PHACTR1: variants seen among roughly 807,000 people sequenced by gnomAD.
PHACTR1 encodes phosphatase and actin regulator 1, also known as RPEL repeat containing 1.
PHACTR1 carries 16 observed loss-of-function variants against 69.2 expected under a neutral mutation model. That is an observed-to-expected ratio of 0.23 (90% CI 0.16 to 0.35). The LOEUF is 0.35. Among genes scored for constraint, PHACTR1 ranks in the 10% least tolerant of loss-of-function variants. PHACTR1 has a pLI of 1.00. For missense variants in PHACTR1, 510 were observed against 734.7 expected, an observed-to-expected ratio of 0.69 and a Z score of 3.54; for synonymous variants, 312 against 284.5, an observed-to-expected ratio of 1.10 and a Z score of -0.97.
chr6:12,830,653 G>A (rs113918081), intron 4 of PHACTR1, among the ~76,000 whole-genome samples: 6,381 of 151,866 alleles, frequency 0.042, 430 homozygotes, highest in African/African-American at 0.14. Context: ...GCAGTGGCGC[G>A]ATCTCGGCTC....
intron 6 of PHACTR1, among the ~76,000 whole-genome samples, chr6:13,171,560 C>A (rs559717419): frequency 3.5e-4 from 54 of 152,342 alleles, no homozygotes; most frequent in African/African-American, 1.2e-3. Flanking sequence ...TCGGCCAATG[C>A]AGTATCCTCT....
At chr6:13,018,918 G>A (rs183254630) in intron 4 of PHACTR1, among the ~76,000 whole-genome samples, 39 of 152,096 alleles carry the variant, frequency 2.6e-4, no homozygotes, top group African/African-American at 9.2e-4. Flanking sequence ...TCACTCTGTT[G>A]CCCAGGCTGG....
At chr6:13,046,740 G>A (rs1394149222) in intron 4 of PHACTR1, among the ~76,000 whole-genome samples, 6 of 150,322 alleles carry the variant, frequency 4.0e-5, no homozygotes, top group Admixed American at 1.3e-4. Context: ...CCCACTTTAC[G>A]TCCCCATCCC....
At position 13,205,322 on chromosome 6, in the gene PHACTR1, G is replaced by A. The variant is rs1055819730; in HGVS notation, c.665-493G>A. Among the ~76,000 whole-genome samples, 6 of 152,172 alleles carry A rather than the reference G, an allele frequency of 3.9e-5. No individual in the cohort carries two copies. In the East Asian group the frequency reaches 5.8e-4, roughly 15 times the overall value. On this transcript the variant is annotated intron_variant, in intron 7 of 14. Transcript: ENST00000332995. ...ATCTATTCATGAGGGATCCACACCC[G>A]TGACCCAAATGCCTCCCACTAGGCC...
At chr6:13,188,629 G>A (rs530890553) in intron 7 of PHACTR1, among the ~76,000 whole-genome samples, 7 of 152,314 alleles carry the variant, frequency 4.6e-5, no homozygotes, top group African/African-American at 1.2e-4. Flanking sequence ...TACCTCTACC[G>A]TGGCGTTTGC....
At chr6:13,261,494 G>A (rs918172524) in intron 10 of PHACTR1, among the ~76,000 whole-genome samples, 1 of 152,158 alleles carries the variant, frequency 6.6e-6, no homozygotes. Context: ...AAAAAATATT[G>A]AAAAGTTTGA....
At chr6:12,829,374 A>G (rs1392480271) in intron 4 of PHACTR1, among the ~76,000 whole-genome samples, 3 of 152,228 alleles carry the variant, frequency 2.0e-5, no homozygotes, top group Non-Finnish European at 4.4e-5. Context: ...CTTAGGTTTC[A>G]TAGAGGAGAA....
At chr6:13,242,133 C>G (rs1772947701) in intron 10 of PHACTR1, among the ~76,000 whole-genome samples, 1 of 151,724 alleles carries the variant, frequency 6.6e-6, no homozygotes, top group South Asian at 2.1e-4. Flanking sequence ...TTATTTCTCA[C>G]TGGAGTTAAG....
At chr6:12,831,494 C>A (rs1777576830) in intron 4 of PHACTR1, among the ~76,000 whole-genome samples, 1 of 151,498 alleles carries the variant, frequency 6.6e-6, no homozygotes, top group African/African-American at 2.4e-5. Flanking sequence ...AAATGCAGGC[C>A]CTACTTGGAT....
chr6:12,799,477 G>GA (rs910142106), intron 4 of PHACTR1, among the ~76,000 whole-genome samples: 10 of 151,630 alleles, frequency 6.6e-5, no homozygotes, highest in East Asian at 5.8e-4. Flanking sequence ...CTGCTATAAT[G>GA]AAAAAAAAGG....
intron 4 of PHACTR1, among the ~76,000 whole-genome samples, chr6:12,962,877 G>A (rs749754089): frequency 7.9e-5 from 12 of 152,058 alleles, no homozygotes; most frequent in Admixed American, 3.3e-4. Context: ...AATCAAGCAT[G>A]GCCTTCTCCA....
At chr6:12,956,232 G>C (rs753294499) in intron 4 of PHACTR1, among the ~76,000 whole-genome samples, 4 of 152,194 alleles carry the variant, frequency 2.6e-5, no homozygotes, top group African/African-American at 7.2e-5. Context: ...ATTGGGAGCC[G>C]AGAGCTATGC....
chr6:13,070,736 G>C (rs926040585), intron 5 of PHACTR1, among the ~76,000 whole-genome samples: 10 of 151,998 alleles, frequency 6.6e-5, no homozygotes, highest in African/African-American at 2.4e-4. Flanking sequence ...ATAGGACTTG[G>C]TGATTTTGGT....
At chr6:13,139,950 A>T (rs1249437275) in intron 5 of PHACTR1, among the ~76,000 whole-genome samples, 1 of 152,138 alleles carries the variant, frequency 6.6e-6, no homozygotes, top group South Asian at 2.1e-4. Context: ...TCAAAGGAGG[A>T]CTTTAGTTTG....
chr6:13,053,753 G>A (rs1806348667), intron 5 of PHACTR1, among the ~76,000 whole-genome samples: 1 of 152,086 alleles, frequency 6.6e-6, no homozygotes, highest in Non-Finnish European at 1.5e-5. Context: ...TTAAACTAAA[G>A]AACCACCCTT....
At chr6:13,140,439 G>A (rs1822265962) in intron 5 of PHACTR1, among the ~76,000 whole-genome samples, 1 of 152,016 alleles carries the variant, frequency 6.6e-6, no homozygotes, top group Admixed American at 6.6e-5. Flanking sequence ...ATACAATGGA[G>A]TATTACTCAT....
chr6:12,759,782 C>T (rs533141620), intron 4 of PHACTR1, among the ~76,000 whole-genome samples: 11 of 152,328 alleles, frequency 7.2e-5, no homozygotes, highest in Non-Finnish European at 1.5e-4. Context: ...TGGAAGTCAT[C>T]ATGGGCCCTG....
At chr6:12,915,058 C>T (rs762540539) in intron 4 of PHACTR1, among the ~76,000 whole-genome samples, 4 of 152,182 alleles carry the variant, frequency 2.6e-5, no homozygotes, top group Non-Finnish European at 5.9e-5. Flanking sequence ...TGCATAAAGA[C>T]GGCTTCAGCA....
At chr6:13,037,081 G>C (rs1399854100) in intron 4 of PHACTR1, among the ~76,000 whole-genome samples, 2 of 152,102 alleles carry the variant, frequency 1.3e-5, no homozygotes, top group Non-Finnish European at 2.9e-5. Context: ...TATAGCAAAT[G>C]TATCAATGAG....
Sources: allele counts gnomAD v4.1 joint callset (sites outside exome capture counted in the v4.1 genomes callset), GRCh38; gene constraint gnomAD v4.1.1; transcripts MANE v1.5; gene names NCBI Gene and HGNC (gene_info 2026-07-23, HGNC 2026-07-21).